SLC9A5: variants seen among roughly 807,000 people sequenced by gnomAD.
SLC9A5 encodes the protein solute carrier family 9 member A5, also known as sodium/hydrogen exchanger 5.
Under a neutral mutation model 91.7 loss-of-function variants are expected in SLC9A5, and 52 were observed. That is an observed-to-expected ratio of 0.57 (90% confidence interval 0.45 to 0.71). The LOEUF (loss-of-function observed/expected upper bound fraction) is 0.71. Among genes scored for constraint, SLC9A5 ranks in the 30% least tolerant of loss-of-function variants. The probability of loss-of-function intolerance (pLI) is 0.00; values close to 1 mark genes in which losing one functional copy is unlikely to be tolerated. For missense variants in SLC9A5, 871 were observed against 1,158.9 expected, an observed-to-expected ratio of 0.75 and a Z score of 3.61; for synonymous variants, 419 against 474.5, an observed-to-expected ratio of 0.88 and a Z score of 1.52.
Position 67,255,735 on chromosome 16 carries a change from A to G in SLC9A5, c.734-18A>G. On this transcript the variant is annotated intron_variant, in intron 4 of 15. Coordinates refer to ENST00000299798, the MANE Select transcript of SLC9A5 (RefSeq NM_004594.3). The surrounding 1 kb of genome is among the most constrained non-coding windows in gnomAD (Gnocchi z 4.9). ...GGTCCGGGCCAGGGGTCATGCTGAC[A>G]ACCCACTCCTCCCCCAGCCTCCCTG... 6.5e-7 allele frequency: 1 copy of G among 1,547,730 alleles called. No individual in the cohort carries two copies. Among genetic ancestry groups the G allele is most frequent in the Non-Finnish European group, 8.7e-7 (1 of 1,144,806 alleles).
intron 12 of SLC9A5, chr16:67,263,327 A>T (rs1053557823): frequency 2.0e-5 from 3 of 152,148 alleles, no homozygotes; most frequent in African/African-American, 7.2e-5. Context: ...AAAATATGAG[A>T]TAAAGGGACC....
intron 14 of SLC9A5, among the ~76,000 whole-genome samples, chr16:67,265,597 A>G (rs762926480): frequency 3.3e-5 from 5 of 151,612 alleles, no homozygotes; most frequent in Non-Finnish European, 5.9e-5. Flanking sequence ...TTTTTTTTGT[A>G]TTTTTGGTAG....
At position 67,258,758 on chromosome 16, in the gene SLC9A5, A is replaced by G. The variant is rs2035410527; in HGVS notation, c.1626+311A>G. 5.3e-5 allele frequency among the ~76,000 whole-genome samples: 8 copies of G among 152,244 alleles called. No homozygotes were observed. The South Asian group carries it at 1.7e-3, about 31-fold the overall frequency. ...TTTCCTTAGCTGTAAGAAAGCAGGCATAAGAGGCTGGGCACGGTGGCTCAC... is the reference window on the plus strand; with the variant it reads ...TTTCCTTAGCTGTAAGAAAGCAGGCGTAAGAGGCTGGGCACGGTGGCTCAC... On this transcript the variant is annotated intron_variant, in intron 10 of 15. Transcript: ENST00000299798. This position sits in a 1 kb window ranked among gnomAD's most constrained non-coding sequence, Gnocchi z 4.5.
Position 67,259,620 on chromosome 16 carries a change from C to T in SLC9A5, c.1674C>T (p.Pro558=). Residue 558 remains proline, a synonymous_variant, in exon 11 of 16, where the codon CCC becomes CCT. Transcript: ENST00000299798. ...SSTGLTLPSM[P]SRNSVAETSV... is the part of the protein sequence containing the mutation. ...CAGGTCTCACTCTGCCTTCTATGCC[C>T]AGCCGCAATTCTGTGGCAGAAACTT... is the stretch of plus-strand genomic sequence containing the variant. 1 of 1,614,176 alleles carries T rather than the reference C, an allele frequency of 6.2e-7. No individual in the cohort carries two copies. Among genetic ancestry groups the T allele is most frequent in the Non-Finnish European group, 8.5e-7 (1 of 1,180,030 alleles).
rs1478403910 is a variant in SLC9A5, at chr16:67,270,827, G to A, written c.2308G>A (p.Asp770Asn). 2.5e-6 allele frequency: 4 copies of A among 1,614,002 alleles called. No homozygotes were observed. The highest frequency in any genetic ancestry group is 3.4e-6 in the Non-Finnish European group (4 of 1,180,016). The change falls in exon 16 of 16, where the codon GAC (aspartate) becomes AAC (asparagine). Residue 770 changes from aspartate (D) to asparagine (N), a missense_variant. By Grantham distance (23) the Asp-to-Asn change is conservative. Coordinates refer to ENST00000299798, the MANE Select transcript of SLC9A5 (RefSeq NM_004594.3). The surrounding 1 kb of genome is among the most constrained non-coding windows in gnomAD (Gnocchi z 4.3). ...GCTCCCCTGGAAGAGTGGGCAGGGG[G>A]ACCTGGCAGTGTACGTGTCCTCGGA... The part of the protein sequence containing the change: ...KELPWKSGQG[D>N]LAVYVSSETT...
rs1449106545 is a variant in SLC9A5 at position 67,255,323 on chromosome 16, G to A, written c.655-70G>A. On this transcript the variant is annotated intron_variant, in intron 3 of 15. Transcript: ENST00000299798. The surrounding 1 kb of genome is among the most constrained non-coding windows in gnomAD (Gnocchi z 4.9). ...TGTCTGCTTTCACCCTGCTCTCCCA[G>A]CAGTCTGTCTCCCAGCAGTCCCAGT... 4 of 1,542,098 alleles carry A rather than the reference G, an allele frequency of 2.6e-6. No individual in the cohort carries two copies. The highest frequency in any genetic ancestry group is 2.7e-5 in the African/African-American group (2 of 73,522).
chr16:67,252,116 AT>A lies in SLC9A5; in HGVS notation c.188-424del, dbSNP rs1374069326. 6.6e-6 allele frequency among the ~76,000 whole-genome samples: 1 copy of A among 152,118 alleles called. No individual in the cohort carries two copies. Among genetic ancestry groups the A allele is most frequent in the Non-Finnish European group, 1.5e-5 (1 of 68,018 alleles). Reference sequence around the variant, plus strand: ...GGGTTTGTAGCCCTGGAGATTGGAAATTCTAGAAGTCTTGCATATTTCTCCT... The same window carrying A: ...GGGTTTGTAGCCCTGGAGATTGGAAATCTAGAAGTCTTGCATATTTCTCCT... On this transcript the variant is annotated intron_variant, in intron 1 of 15. Transcript: ENST00000299798. The surrounding 1 kb of genome is among the most constrained non-coding windows in gnomAD (Gnocchi z 4.0).
chr16:67,261,332 A>G (rs2035524789), intron 12 of SLC9A5: 1 of 152,234 alleles, frequency 6.6e-6, no homozygotes. Context: ...GTCTCACTGC[A>G]TCCTATGGGG....
chr16:67,270,904 C>T lies in SLC9A5; in HGVS notation c.2385C>T (p.Ile795=). ...TGCAGACGGGTTGGAACCAGAGCAT[C>T]TCATCCCTGGAGAGCCTAGCGTCCC... ...VDMQTGWNQS[I]SSLESLASPP... is the part of the protein sequence containing the mutation. The change falls in exon 16 of 16, where the codon ATC becomes ATT. Residue 795 remains isoleucine (I), a synonymous_variant. Coordinates refer to ENST00000299798, the MANE Select transcript of SLC9A5 (RefSeq NM_004594.3). This position sits in a 1 kb window ranked among gnomAD's most constrained non-coding sequence, Gnocchi z 4.3. 6.2e-7 allele frequency: 1 copy of T among 1,614,138 alleles called. No homozygotes were observed. Among genetic ancestry groups the T allele is most frequent in the Non-Finnish European group, 8.5e-7 (1 of 1,180,018 alleles).
Position 67,258,582 on chromosome 16 carries a change from G to A in SLC9A5, c.1626+135G>A. 2 of 1,048,602 alleles carry A rather than the reference G, an allele frequency of 1.9e-6. No homozygotes were observed. The highest frequency in any genetic ancestry group is 2.8e-6 in the Non-Finnish European group (2 of 704,206). The allele number at this position is 1,048,602 out of a possible 1,614,324, so 65.0% of individuals were successfully genotyped here. On this transcript the variant is annotated intron_variant, in intron 10 of 15. Transcript: ENST00000299798. This position sits in a 1 kb window ranked among gnomAD's most constrained non-coding sequence, Gnocchi z 4.5. ...CTAGCTGGCTCCATGGTCTGGTGAA[G>A]TGGCAGCGGCAGGAAGCAGCTGGGT...
At chr16:67,264,740 G>A (rs1272535556) in intron 13 of SLC9A5, among the ~76,000 whole-genome samples, 1 of 152,174 alleles carries the variant, frequency 6.6e-6, no homozygotes, top group Non-Finnish European at 1.5e-5. Flanking sequence ...TGGCCATGTG[G>A]TCACCTGCTG....
chr16:67,266,501 G>C (rs1425767832), intron 15 of SLC9A5, among the ~76,000 whole-genome samples: 1 of 152,146 alleles, frequency 6.6e-6, no homozygotes, highest in Non-Finnish European at 1.5e-5. Flanking sequence ...TGACTCATCT[G>C]ACTCCCAAGC....
At chr16:67,253,613 C>G (rs1423442548) in intron 2 of SLC9A5, among the ~76,000 whole-genome samples, 1 of 152,184 alleles carries the variant, frequency 6.6e-6, no homozygotes, top group Non-Finnish European at 1.5e-5. Context: ...ACCTCCACCT[C>G]CTGGGTTCAA....
Position 67,257,176 on chromosome 16 carries a change from C to T in SLC9A5, c.1335+63C>T, listed in dbSNP as rs1487345867. ...GGCAGGCCCTGGGGGAGTCTTGGAG[C>T]CTGTGGGACAGGGGCTTCTCTTCCC... On this transcript the variant is annotated intron_variant, in intron 7 of 15. Transcript: ENST00000299798. This position sits in a 1 kb window ranked among gnomAD's most constrained non-coding sequence, Gnocchi z 5.1. 42 of 1,509,130 alleles carry T rather than the reference C, an allele frequency of 2.8e-5. No homozygotes were observed. Among genetic ancestry groups the T allele is most frequent in the Non-Finnish European group, 3.7e-5 (41 of 1,106,092 alleles). 93.5% of individuals were successfully genotyped at this position (1,509,130 alleles called of 1,614,324 possible). A position where few individuals can be genotyped will look rare whatever the true frequency, so the allele number is the denominator to read the frequency against.
chr16:67,265,123 G>A lies in SLC9A5; in HGVS notation c.2080+17G>A. On this transcript the variant is annotated intron_variant, in intron 14 of 15. Transcript: ENST00000299798. ...AGGACACAGGCAAGCAGGGAGCAGT[G>A]TGGGATTGAGGATGGGAGGGAGGAG... 6.2e-7 allele frequency: 1 copy of A among 1,613,180 alleles called. No homozygotes were observed. Among genetic ancestry groups the A allele is most frequent in the Non-Finnish European group, 8.5e-7 (1 of 1,179,240 alleles).
Position 67,255,829 on chromosome 16 carries a change from CT to C in SLC9A5, c.812del (p.Phe271SerfsTer35). 6.2e-7 allele frequency: 1 copy of C among 1,610,536 alleles called. No individual in the cohort carries two copies. ...FAFLLALTTR[F>X]TKRVRIIEPL... ...CCTTCCTCCTGGCCCTGACCACACG[CT>C]TCACCAAGCGGGTCCGCATCATCGA... is the stretch of plus-strand genomic sequence containing the variant. On this transcript the variant is annotated frameshift_variant, in exon 5 of 16. Coordinates refer to ENST00000299798, the MANE Select transcript of SLC9A5 (RefSeq NM_004594.3). LOFTEE classifies it high-confidence loss of function. The surrounding 1 kb of genome is among the most constrained non-coding windows in gnomAD (Gnocchi z 4.9).
In SLC9A5 at chr16:67,257,474, C is replaced by T. The variant is rs1239707340; in HGVS notation, c.1425+40C>T. On this transcript the variant is annotated intron_variant, in intron 8 of 15. Coordinates refer to ENST00000299798, the MANE Select transcript of SLC9A5 (RefSeq NM_004594.3). This position sits in a 1 kb window ranked among gnomAD's most constrained non-coding sequence, Gnocchi z 5.1. Reference sequence around the variant, plus strand: ...CCCAGCCCTCGCCTGTCCCTCTCGACCTTCTCCTATTTTGGGCAGAGTCCT... The same window carrying T: ...CCCAGCCCTCGCCTGTCCCTCTCGATCTTCTCCTATTTTGGGCAGAGTCCT... The T allele has an allele frequency of 1.2e-6, 2 of 1,613,236 alleles. No homozygotes were observed. Among genetic ancestry groups the T allele is most frequent in the East Asian group, 4.5e-5 (2 of 44,880 alleles).
At position 67,258,422 on chromosome 16, in the gene SLC9A5, G is replaced by A. The variant is rs781665116; in HGVS notation, c.1601G>A (p.Arg534Gln). ...IWDVYYRLNI[R>Q]DAISFVDQGG... is the part of the protein sequence containing the mutation. Reference sequence around the variant, plus strand: ...GATGTGTACTACAGGCTTAACATCCGGGATGCCATCAGCTTTGTGGACCAG... The same window carrying A: ...GATGTGTACTACAGGCTTAACATCCAGGATGCCATCAGCTTTGTGGACCAG... The change falls in exon 10 of 16, where the codon CGG (arginine) becomes CAG (glutamine). Residue 534 changes from arginine to glutamine, a missense_variant. Physicochemically the swap from Arg to Gln is conservative, Grantham distance 43. Around this residue, in one of 3 missense-constraint regions of SLC9A5, gnomAD observed 454 missense variants for 718.3 expected, o/e 0.63. Transcript: ENST00000299798. The surrounding 1 kb of genome is among the most constrained non-coding windows in gnomAD (Gnocchi z 4.5). 25 of 1,614,078 alleles carry A rather than the reference G, an allele frequency of 1.5e-5. No individual in the cohort carries two copies. Among genetic ancestry groups the A allele is most frequent in the Admixed American group, 1.7e-5 (1 of 60,008 alleles).
Position 67,270,965 on chromosome 16 carries a change from C to G in SLC9A5, c.2446C>G (p.Pro816Ala), listed in dbSNP as rs202115455. Residue 816 changes from proline (P) to alanine (A), a missense_variant, in exon 16 of 16, where the codon CCT (proline) becomes GCT (alanine). Pro to Ala is a conservative substitution (Grantham distance 27). This residue lies in a region of SLC9A5 where 295 missense variants were observed against 326.0 expected (regional missense o/e 0.90). Coordinates refer to ENST00000299798, the MANE Select transcript of SLC9A5 (RefSeq NM_004594.3). The surrounding 1 kb of genome is among the most constrained non-coding windows in gnomAD (Gnocchi z 4.3). ...CCAGGCCCCAATTCTGACCTGCCTG[C>G]CTCCCCATCCACGGGGCACTGAAGA... ...CNQAPILTCL[P>A]PHPRGTEEPQ... The G allele has an allele frequency of 6.2e-7, 1 of 1,614,100 alleles. No individual in the cohort carries two copies. Among genetic ancestry groups the G allele is most frequent in the Admixed American group, 1.7e-5 (1 of 60,012 alleles).
Sources: allele counts gnomAD v4.1 joint callset (sites outside exome capture counted in the v4.1 genomes callset), GRCh38; gene constraint gnomAD v4.1.1; regional missense constraint gnomAD v4.1.1; non-coding constraint Gnocchi (gnomAD v3.1); transcripts MANE v1.5; gene names NCBI Gene and HGNC (gene_info 2026-07-23, HGNC 2026-07-21).